ZBTB20: variants seen among roughly 807,000 people sequenced by gnomAD.
The protein encoded by ZBTB20 is zinc finger and BTB domain-containing protein 20.
In ZBTB20, 9 loss-of-function variants were observed where a neutral mutation model predicts 56.9. The ratio of observed to expected loss-of-function variants is 0.16; its 90% CI spans 0.10 to 0.28. The LOEUF (loss-of-function observed/expected upper bound fraction) is 0.28. Among genes scored for constraint, ZBTB20 ranks in the 10% least tolerant of loss-of-function variants. The pLI is 1.00. For missense variants in ZBTB20, 655 were observed against 1,003.0 expected, an observed-to-expected ratio of 0.65 and a Z score of 4.69; for synonymous variants, 417 against 420.7, an observed-to-expected ratio of 0.99 and a Z score of 0.11.
At position 114,650,696 on chromosome 3, in the gene ZBTB20, T is replaced by C. The variant is rs569450965; in HGVS notation, c.-295+42832A>G. On this transcript the variant is annotated intron_variant, in intron 6 of 11. Coordinates refer to ENST00000675478, the MANE Select transcript of ZBTB20 (RefSeq NM_001348800.3). Reference sequence around the variant, plus strand: ...CATTTAAAATTATTTCAACCATAAATGCTTTTAATTTCCTGAATATCTTAA... The same window carrying C: ...CATTTAAAATTATTTCAACCATAAACGCTTTTAATTTCCTGAATATCTTAA... Among the ~76,000 whole-genome samples the C allele has an allele frequency of 8.5e-5, 13 of 152,088 alleles. 1 individual carries two copies. In the East Asian group the frequency reaches 1.7e-3, roughly 20 times the overall value.
intron 3 of ZBTB20, among the ~76,000 whole-genome samples, chr3:114,957,435 A>C (rs1204749101): frequency 2.0e-5 from 3 of 152,204 alleles, no homozygotes; most frequent in Admixed American, 2.0e-4. Context: ...TGTTTTAATT[A>C]TATGACTGCA....
At chr3:114,917,157 G>T (rs1408237999) in intron 3 of ZBTB20, among the ~76,000 whole-genome samples, 1 of 152,020 alleles carries the variant, frequency 6.6e-6, no homozygotes, top group African/African-American at 2.4e-5. Context: ...CCCGTTAAGA[G>T]GCTGCTGCAT....
intron 6 of ZBTB20, among the ~76,000 whole-genome samples, chr3:114,548,738 C>A (rs2050209325): frequency 1.3e-5 from 2 of 152,062 alleles, no homozygotes; most frequent in South Asian, 4.1e-4. Flanking sequence ...AGGCTGGTCT[C>A]AAATGCCTGG....
chr3:114,939,912 T>C (rs761781550), intron 3 of ZBTB20, among the ~76,000 whole-genome samples: 4 of 146,192 alleles, frequency 2.7e-5, no homozygotes, highest in South Asian at 2.1e-4. Flanking sequence ...CAACATAACA[T>C]TGAACAAAGC....
At chr3:114,517,113 C>A (rs2046092279) in intron 6 of ZBTB20, among the ~76,000 whole-genome samples, 1 of 152,208 alleles carries the variant, frequency 6.6e-6, no homozygotes, top group African/African-American at 2.4e-5. Context: ...CACGTTACTG[C>A]ATTTTTTGTT....
chr3:115,096,342 T>C (rs2083379354), intron 1 of ZBTB20, among the ~76,000 whole-genome samples: 1 of 152,216 alleles, frequency 6.6e-6, no homozygotes. Flanking sequence ...CAGTGCTTTG[T>C]GACTTCTCAT....
intron 2 of ZBTB20, among the ~76,000 whole-genome samples, chr3:115,065,593 A>G: frequency 6.6e-6 from 1 of 152,168 alleles, no homozygotes; most frequent in Non-Finnish European, 1.5e-5. Flanking sequence ...TCAATCACGA[A>G]GTTTAACTGG....
chr3:114,633,235 T>C (rs1345490459), intron 6 of ZBTB20, among the ~76,000 whole-genome samples: 1 of 152,168 alleles, frequency 6.6e-6, no homozygotes, highest in East Asian at 1.9e-4. Context: ...AAAGGGCAGG[T>C]TTCATTGTGG....
chr3:114,891,353 G>A lies in ZBTB20; in HGVS notation c.-417+8951C>T, dbSNP rs972492753. 2.0e-5 allele frequency among the ~76,000 whole-genome samples: 3 copies of A among 152,286 alleles called. No individual in the cohort carries two copies. In the South Asian group the frequency reaches 6.2e-4, roughly 32 times the overall value. ...GTCTAAGCATGCAATTTGACACTGA[G>A]AGTGCCTTGTTTTATTTTTTAAAAA... On this transcript the variant is annotated intron_variant, in intron 4 of 11. Coordinates refer to ENST00000675478, the MANE Select transcript of ZBTB20 (RefSeq NM_001348800.3).
intron 4 of ZBTB20, among the ~76,000 whole-genome samples, chr3:114,866,665 C>T (rs1052248314): frequency 2.6e-5 from 4 of 152,168 alleles, no homozygotes; most frequent in Admixed American, 2.6e-4. Flanking sequence ...GACTCTCTCA[C>T]AGGTAATAGG....
intron 2 of ZBTB20, among the ~76,000 whole-genome samples, chr3:115,019,731 A>G (rs960809016): frequency 6.6e-6 from 1 of 151,284 alleles, no homozygotes; most frequent in Non-Finnish European, 1.5e-5. Flanking sequence ...TCTGAGGAAC[A>G]TTAATGACAA....
rs199886207 is a variant in ZBTB20 at position 114,351,833 on chromosome 3, T to C, written c.245A>G (p.Asn82Ser). 15 of 1,603,664 alleles carry C rather than the reference T, an allele frequency of 9.4e-6. No individual in the cohort carries two copies. In the East Asian group the frequency reaches 1.1e-4, roughly 12 times the overall value. Residue 82 changes from asparagine to serine, a missense_variant, in exon 11 of 12, where the codon AAC becomes AGC. Transcript: ENST00000675478. ...CACGGAATTGCTGAAGTTGTGAAGG[T>C]TGATGCTGTGAATGCGCTCGGTCAT... Reference protein sequence around the residue: ...KGMTERIHSINLHNFSNSVLE... With the variant: ...KGMTERIHSISLHNFSNSVLE...
intron 3 of ZBTB20, among the ~76,000 whole-genome samples, chr3:114,929,261 A>C (rs1000980574): frequency 6.6e-6 from 1 of 152,200 alleles, no homozygotes; most frequent in Admixed American, 6.5e-5. Context: ...TGGTTAAGAG[A>C]GCCTGAAAAA....
At chr3:114,989,178 T>G (rs1333376290) in intron 2 of ZBTB20, among the ~76,000 whole-genome samples, 1 of 152,210 alleles carries the variant, frequency 6.6e-6, no homozygotes, top group Non-Finnish European at 1.5e-5. Context: ...TCCTTGCCCA[T>G]GCCTATGTCC....
At chr3:114,954,411 CT>C (rs1345395929) in intron 3 of ZBTB20, among the ~76,000 whole-genome samples, 7 of 151,960 alleles carry the variant, frequency 4.6e-5, no homozygotes, top group Admixed American at 4.6e-4. Context: ...CATATTAATC[CT>C]TAAAAGAAAT....
intron 11 of ZBTB20, among the ~76,000 whole-genome samples, chr3:114,347,247 A>G (rs898993579): frequency 6.6e-6 from 1 of 152,072 alleles, no homozygotes. Context: ...AGCAACTACC[A>G]TCTATATTAA....
chr3:115,131,541 A>G (rs1294821832), intron 1 of ZBTB20, among the ~76,000 whole-genome samples: 2 of 152,156 alleles, frequency 1.3e-5, no homozygotes, highest in Non-Finnish European at 2.9e-5. Flanking sequence ...CTGCAGTTTT[A>G]CCACTACAAT....
At chr3:114,396,183 A>G (rs1245636098) in intron 7 of ZBTB20, among the ~76,000 whole-genome samples, 1 of 152,242 alleles carries the variant, frequency 6.6e-6, no homozygotes, top group Non-Finnish European at 1.5e-5. Context: ...TAACATGAGC[A>G]TGATTTATGA....
At chr3:114,388,012 T>G (rs2085371050) in intron 8 of ZBTB20, 2 of 152,240 alleles carry the variant, frequency 1.3e-5, no homozygotes, top group South Asian at 4.1e-4. Context: ...CCTTTAGGTT[T>G]GATTTATACC....
Sources: allele counts gnomAD v4.1 joint callset (sites outside exome capture counted in the v4.1 genomes callset), GRCh38; gene constraint gnomAD v4.1.1; transcripts MANE v1.5; gene names NCBI Gene and HGNC (gene_info 2026-07-23, HGNC 2026-07-21).